RDX: variants seen among roughly 807,000 people sequenced by gnomAD.
The protein encoded by RDX is deafness, autosomal recessive 24.
RDX carries 32 observed loss-of-function variants against 83.7 expected under a neutral mutation model. The ratio of observed to expected loss-of-function variants is 0.38; its 90% CI spans 0.29 to 0.51. The LOEUF (loss-of-function observed/expected upper bound fraction) is 0.51, where lower values mean the gene tolerates loss of function less well. Among genes scored for constraint, RDX ranks in the 20% least tolerant of loss-of-function variants. The probability of loss-of-function intolerance (pLI) is 0.87; values close to 1 mark genes in which losing one functional copy is unlikely to be tolerated. For missense variants in RDX, 600 were observed against 689.9 expected (o/e 0.87, Z 1.46); for synonymous variants, 229 against 222.7 (o/e 1.03, Z -0.25).
chr11:110,222,322 T>C (rs1864277857), intron 14 of RDX, among the ~76,000 whole-genome samples: 1 of 152,216 alleles, frequency 6.6e-6, no homozygotes. Flanking sequence ...AAAGGATACA[T>C]TTCATACAAA....
chr11:110,274,587 G>A (rs1212208910), intron 2 of RDX, among the ~76,000 whole-genome samples: 1 of 152,124 alleles, frequency 6.6e-6, no homozygotes, highest in African/African-American at 2.4e-5. Context: ...AACCTCCCGG[G>A]CTCAAGCGAT....
chr11:110,275,211 G>T (rs1326170139), intron 2 of RDX, among the ~76,000 whole-genome samples: 2 of 152,136 alleles, frequency 1.3e-5, no homozygotes, highest in Non-Finnish European at 2.9e-5. Context: ...ATGGCCCCTG[G>T]TGTCATGCTC....
In RDX at chr11:110,186,493, A is replaced by G. The variant is rs373540998; in HGVS notation, c.*32-11259T>C. ...TAGCATGCCTCAGCCACTTGGAAATAGCAAAATAGTGCATAAAGATCAATT... is the reference window on the plus strand; with the variant it reads ...TAGCATGCCTCAGCCACTTGGAAATGGCAAAATAGTGCATAAAGATCAATT... On this transcript the variant is annotated intron_variant, in intron 15 of 15. Coordinates refer to the RDX transcript ENST00000528498. Among the ~76,000 whole-genome samples the G allele has an allele frequency of 6.6e-5, 10 of 152,058 alleles. No homozygotes were observed. The East Asian group carries it at 1.9e-3, about 29-fold the overall frequency.
At chr11:110,285,948 A>T (rs1369976641) in intron 1 of RDX, among the ~76,000 whole-genome samples, 1 of 152,010 alleles carries the variant, frequency 6.6e-6, no homozygotes, top group Admixed American at 6.6e-5. Flanking sequence ...AATAAAAAAT[A>T]AATTGCCTAA....
At chr11:110,289,493 A>G (rs1252810587) in intron 1 of RDX, among the ~76,000 whole-genome samples, 1 of 152,208 alleles carries the variant, frequency 6.6e-6, no homozygotes, top group African/African-American at 2.4e-5. Context: ...TTCTAAGTCT[A>G]GAACCTATAA....
chr11:110,246,545 CG>C lies in RDX; in HGVS notation c.1090+1157del, dbSNP rs112614320. Reference sequence around the variant, plus strand: ...ATCCCAGCACTTCAGGAGGCCGACGCGGGTGGATCACTTGAAGTCAGGAGGT... The same window carrying C: ...ATCCCAGCACTTCAGGAGGCCGACGCGGTGGATCACTTGAAGTCAGGAGGT... On this transcript the variant is annotated intron_variant, in intron 10 of 13. Transcript: ENST00000645495. Among the ~76,000 whole-genome samples, 133 of 152,250 alleles carry C rather than the reference CG, an allele frequency of 8.7e-4. 1 individual carries two copies. The highest frequency in any genetic ancestry group is 3.1e-3 in the African/African-American group (129 of 41,536).
chr11:110,237,911 A>G (rs1864928786), intron 10 of RDX: 1 of 483,934 alleles, frequency 2.1e-6, no homozygotes, highest in Non-Finnish European at 3.8e-6. Context: ...AGCTAGGACT[A>G]CAGGCGCTAT....
chr11:110,235,416 A>G (rs1389855181), intron 12 of RDX, among the ~76,000 whole-genome samples: 2 of 152,064 alleles, frequency 1.3e-5, no homozygotes, highest in African/African-American at 2.4e-5. Flanking sequence ...AATGTCTCTT[A>G]TATCTTCCCA....
chr11:110,218,856 CTTCT>C (rs1864149006), intron 14 of RDX, among the ~76,000 whole-genome samples: 1 of 152,282 alleles, frequency 6.6e-6, no homozygotes, highest in South Asian at 2.1e-4. Context: ...AGGTGCCTTC[CTTCT>C]GAGCTCTCAG....
intron 14 of RDX, among the ~76,000 whole-genome samples, chr11:110,218,999 G>A (rs1305028173): frequency 1.3e-5 from 2 of 152,140 alleles, no homozygotes; most frequent in Non-Finnish European, 2.9e-5. Context: ...CATTCTAGTG[G>A]GGTGAGATAG....
chr11:110,244,363 C>CAA (rs71053874), intron 10 of RDX, among the ~76,000 whole-genome samples: 15,831 of 51,452 alleles, frequency 0.31, 3,122 homozygotes, highest in East Asian at 0.51. Context: ...GATTCTGGCT[C>CAA]AAAAAAAAAA....
chr11:110,233,144 A>T, intron 13 of RDX, 93 bp downstream of exon 13: 1 of 1,505,308 alleles, frequency 6.6e-7, no homozygotes, highest in Non-Finnish European at 9.2e-7. Context: ...AGCCAGTATT[A>T]AAACTTCTAT....
chr11:110,224,783 G>C (rs746176485), downstream of RDX, among the ~76,000 whole-genome samples: 1 of 152,180 alleles, frequency 6.6e-6, no homozygotes, highest in Non-Finnish European at 1.5e-5. Context: ...TCCTTTATCA[G>C]AATTTCCTTT....
chr11:110,189,433 A>C (rs57610331), intron 15 of RDX, among the ~76,000 whole-genome samples: 6,507 of 152,036 alleles, frequency 0.043, 469 homozygotes, highest in African/African-American at 0.15. Flanking sequence ...TTTAACACTC[A>C]ACCAACGGCA....
chr11:110,192,229 GCTACACAC>G (rs1206324302), intron 15 of RDX, among the ~76,000 whole-genome samples: 1 of 152,088 alleles, frequency 6.6e-6, no homozygotes, highest in Non-Finnish European at 1.5e-5. Flanking sequence ...CAGAAATAAA[GCTACACAC>G]CTACAACCAT....
intron 2 of RDX, among the ~76,000 whole-genome samples, chr11:110,275,161 C>T (rs1445768388): frequency 6.6e-6 from 1 of 152,142 alleles, no homozygotes; most frequent in Non-Finnish European, 1.5e-5. Flanking sequence ...CTGATGACAT[C>T]CACATTTCTG....
intron 11 of RDX, 82 bp from the exon 12 acceptor site, chr11:110,236,273 C>T: frequency 1.0e-6 from 1 of 997,422 alleles, no homozygotes; most frequent in Non-Finnish European, 1.5e-6. Context: ...AATGCACATG[C>T]TTAGGCTGTT....
chr11:110,209,560 A>G (rs1334326503), intron 14 of RDX, among the ~76,000 whole-genome samples: 3 of 152,132 alleles, frequency 2.0e-5, no homozygotes, highest in Non-Finnish European at 4.4e-5. Context: ...AAAAGACAGC[A>G]GTAACCTCTG....
chr11:110,227,804 G>A (rs1864481136), downstream of RDX, among the ~76,000 whole-genome samples: 1 of 152,006 alleles, frequency 6.6e-6, no homozygotes, highest in Non-Finnish European at 1.5e-5. Flanking sequence ...GATCTCCACA[G>A]CCAAAACATA....
Sources: allele counts gnomAD v4.1 joint callset (sites outside exome capture counted in the v4.1 genomes callset), GRCh38; gene constraint gnomAD v4.1.1; transcripts MANE v1.5; gene names NCBI Gene and HGNC (gene_info 2026-07-23, HGNC 2026-07-21).